Variants in ENTREP2 observed in about 807,000 individuals in gnomAD.
The protein encoded by ENTREP2 is endosomal transmembrane epsin interactor 2.
chr15:29,451,698 A>T, the ENTREP2 span, among the ~76,000 whole-genome samples: 3 of 152,124 alleles, frequency 2.0e-5, no homozygotes, highest in Non-Finnish European at 4.4e-5. Flanking sequence ...CCCCCTCCCC[A>T]CCGGAACCTT....
chr15:29,130,160 C>T, the ENTREP2 span, among the ~76,000 whole-genome samples: 5 of 152,120 alleles, frequency 3.3e-5, no homozygotes, highest in East Asian at 5.8e-4. Flanking sequence ...GCGTGGGGCT[C>T]GAGAGGTGGT....
the ENTREP2 span, among the ~76,000 whole-genome samples, chr15:29,569,058 C>G: frequency 6.6e-6 from 1 of 152,162 alleles, no homozygotes; most frequent in African/African-American, 2.4e-5. Context: ...GCTAGACAGA[C>G]ATGAAAACAA....
At chr15:29,379,757 T>C in the ENTREP2 span, among the ~76,000 whole-genome samples, 1 of 152,168 alleles carries the variant, frequency 6.6e-6, no homozygotes, top group African/African-American at 2.4e-5. Context: ...CCCTGTGAGA[T>C]TCCTGATGCT....
chr15:29,127,247 G>A, the ENTREP2 span, among the ~76,000 whole-genome samples: 2 of 152,122 alleles, frequency 1.3e-5, no homozygotes, highest in Non-Finnish European at 2.9e-5. Context: ...CACGGGGTGT[G>A]CATGCATGTG....
chr15:29,539,393 T>C, the ENTREP2 span, among the ~76,000 whole-genome samples: 2 of 152,252 alleles, frequency 1.3e-5, no homozygotes, highest in South Asian at 4.1e-4. Flanking sequence ...GTGCAATCAC[T>C]GCAAGTTCAC....
the ENTREP2 span, among the ~76,000 whole-genome samples, chr15:29,671,882 C>T: frequency 2.2e-4 from 33 of 152,312 alleles, no homozygotes; most frequent in East Asian, 5.6e-3. Flanking sequence ...AAGGAGCCCC[C>T]GTCTGCCTTG....
chr15:29,646,957 T>C, the ENTREP2 span, among the ~76,000 whole-genome samples: 4 of 152,174 alleles, frequency 2.6e-5, no homozygotes, highest in Non-Finnish European at 5.9e-5. Context: ...GACCACCATA[T>C]GAGGACCAAC....
the ENTREP2 span, among the ~76,000 whole-genome samples, chr15:29,580,779 G>A: frequency 6.6e-6 from 1 of 152,150 alleles, no homozygotes; most frequent in Non-Finnish European, 1.5e-5. Context: ...TATAATAACT[G>A]AGAAGAGACT....
At chr15:29,196,663 G>T in the ENTREP2 span, 2 of 1,323,542 alleles carry the variant, frequency 1.5e-6, no homozygotes, top group African/African-American at 1.5e-5. Context: ...AAATGGCTCA[G>T]TTCAAAGGAG....
At chr15:29,492,143 T>C in the ENTREP2 span, among the ~76,000 whole-genome samples, 5 of 152,056 alleles carry the variant, frequency 3.3e-5, no homozygotes, top group Non-Finnish European at 7.4e-5. Context: ...GAATCTCCAG[T>C]AGGCTGTACC....
chr15:29,674,305 T>C, the ENTREP2 span, among the ~76,000 whole-genome samples: 2 of 152,246 alleles, frequency 1.3e-5, no homozygotes, highest in Admixed American at 1.3e-4. Context: ...AGTCTCATTC[T>C]GTCGCCCAGG....
chr15:29,164,573 G>C, the ENTREP2 span, among the ~76,000 whole-genome samples: 5 of 152,146 alleles, frequency 3.3e-5, no homozygotes, highest in Non-Finnish European at 5.9e-5. Flanking sequence ...TCAGTTAAAA[G>C]AGACAAAGTG....
the ENTREP2 span, among the ~76,000 whole-genome samples, chr15:29,124,031 G>A: frequency 6.6e-6 from 1 of 152,208 alleles, no homozygotes; most frequent in Non-Finnish European, 1.5e-5. Context: ...ATGGCATCTA[G>A]AGACAGGGTC....
chr15:29,386,612 T>C, the ENTREP2 span, among the ~76,000 whole-genome samples: 3 of 152,202 alleles, frequency 2.0e-5, no homozygotes, highest in Admixed American at 6.5e-5. Flanking sequence ...GACCCCCCAA[T>C]TGGAGATGTT....
chr15:29,398,055 C>T, the ENTREP2 span, among the ~76,000 whole-genome samples: 1 of 150,698 alleles, frequency 6.6e-6, no homozygotes, highest in Non-Finnish European at 1.5e-5. Context: ...TTAAGTTATT[C>T]CCTCCCCTCA....
the ENTREP2 span, among the ~76,000 whole-genome samples, chr15:29,181,833 G>A: frequency 2.1e-3 from 324 of 152,094 alleles, 1 homozygote; most frequent in African/African-American, 7.0e-3. Flanking sequence ...CCCTTCATCT[G>A]GCAAATAATA....
the ENTREP2 span, among the ~76,000 whole-genome samples, chr15:29,298,675 G>A: frequency 0.12 from 18,032 of 152,094 alleles, 1,410 homozygotes; most frequent in African/African-American, 0.23. Context: ...AAGAAATACT[G>A]AATTTGAATA....
the ENTREP2 span, among the ~76,000 whole-genome samples, chr15:29,469,892 C>T: frequency 6.6e-6 from 1 of 152,140 alleles, no homozygotes; most frequent in Non-Finnish European, 1.5e-5. Context: ...ACTGCCACCT[C>T]CATATTTCTA....
At chr15:29,271,646 T>C in the ENTREP2 span, among the ~76,000 whole-genome samples, 1 of 152,082 alleles carries the variant, frequency 6.6e-6, no homozygotes, top group Admixed American at 6.5e-5. Flanking sequence ...TGACCACCGG[T>C]GCATGTAGCC....
Sources: allele counts gnomAD v4.1 joint callset (sites outside exome capture counted in the v4.1 genomes callset), GRCh38; gene constraint gnomAD v4.1.1; transcripts MANE v1.5; gene names NCBI Gene and HGNC (gene_info 2026-07-23, HGNC 2026-07-21).